Variants in TMEM117 observed in about 807,000 individuals in gnomAD.
TMEM117 encodes transmembrane protein 117.
In TMEM117, 27 loss-of-function variants were observed where a neutral mutation model predicts 52.4. The ratio of observed to expected loss-of-function variants is 0.51; its 90% confidence interval spans 0.38 to 0.71. The LOEUF (loss-of-function observed/expected upper bound fraction) is 0.71. TMEM117 is among the 30% of genes least tolerant of loss of function. The pLI is 0.00. For synonymous variants in TMEM117, 215 were observed against 206.3 expected (o/e 1.04, Z -0.36); for missense variants, 556 against 630.5 (o/e 0.88, Z 1.26).
chr12:43,828,888 C>T, the TMEM117 span, among the ~76,000 whole-genome samples: 1 of 152,146 alleles, frequency 6.6e-6, no homozygotes, highest in African/African-American at 2.4e-5. Flanking sequence ...TCTTTCTCCC[C>T]TGCTTCAGCA....
intron 3 of TMEM117, among the ~76,000 whole-genome samples, chr12:44,067,805 C>G (rs958094471): frequency 2.0e-5 from 3 of 152,116 alleles, no homozygotes; most frequent in Non-Finnish European, 4.4e-5. Context: ...CTACCTTAGC[C>G]CCTAACAAGA....
intron 6 of TMEM117, among the ~76,000 whole-genome samples, chr12:44,314,189 A>G (rs557139343): frequency 3.3e-5 from 5 of 152,314 alleles, no homozygotes; most frequent in African/African-American, 1.2e-4. Flanking sequence ...CTCATGGGGA[A>G]TACTTCCAGC....
At position 44,243,556 on chromosome 12, in the gene TMEM117, A is replaced by T. The variant is rs181335245; in HGVS notation, c.608+32169A>T. Among the ~76,000 whole-genome samples, 84 of 152,076 alleles carry T rather than the reference A, an allele frequency of 5.5e-4. No individual in the cohort carries two copies. The East Asian group carries it at 0.014, about 24-fold the overall frequency. ...GGTACAATGTGGTGCTATGATACAC[A>T]CACGTATATCATAGAATCATTAAAT... On this transcript the variant is annotated intron_variant, in intron 5 of 7. Coordinates refer to ENST00000266534, the MANE Select transcript of TMEM117 (RefSeq NM_032256.3).
chr12:44,380,280 T>C (rs576175573), intron 7 of TMEM117, among the ~76,000 whole-genome samples: 10 of 152,112 alleles, frequency 6.6e-5, no homozygotes, highest in East Asian at 3.9e-4. Flanking sequence ...GAGACTATGA[T>C]TGGGGAAAGG....
At chr12:44,225,384 T>C (rs1949847330) in intron 5 of TMEM117, among the ~76,000 whole-genome samples, 1 of 152,256 alleles carries the variant, frequency 6.6e-6, no homozygotes, top group East Asian at 1.9e-4. Flanking sequence ...CGCAGTTGCA[T>C]TGCAAAAATA....
At chr12:43,844,049 G>A (rs1943158669) in intron 1 of TMEM117, among the ~76,000 whole-genome samples, 1 of 152,210 alleles carries the variant, frequency 6.6e-6, no homozygotes, top group Admixed American at 6.5e-5. Context: ...TAATCAAAAA[G>A]AGGAGGCCGA....
chr12:44,236,187 TAGAGAG>T (rs200861994), intron 5 of TMEM117, among the ~76,000 whole-genome samples: 3 of 141,492 alleles, frequency 2.1e-5, no homozygotes, highest in South Asian at 4.6e-4. Context: ...TATATATATA[TAGAGAG>T]AGAGAGAGAG....
intron 2 of TMEM117, among the ~76,000 whole-genome samples, chr12:43,854,709 T>C (rs1394555601): frequency 6.6e-6 from 1 of 152,170 alleles, no homozygotes; most frequent in East Asian, 1.9e-4. Flanking sequence ...TGATCTCGGC[T>C]CACTGCAACC....
chr12:43,893,284 G>A (rs2137483542), intron 2 of TMEM117, among the ~76,000 whole-genome samples: 1 of 152,322 alleles, frequency 6.6e-6, no homozygotes, highest in Non-Finnish European at 1.5e-5. Flanking sequence ...TGGAAGCACA[G>A]AGACAAATCA....
chr12:44,358,410 G>T (rs1057085474), intron 6 of TMEM117, among the ~76,000 whole-genome samples: 1 of 152,088 alleles, frequency 6.6e-6, no homozygotes, highest in Non-Finnish European at 1.5e-5. Flanking sequence ...ATTCTCAGAG[G>T]ATGGTTGGCC....
intron 4 of TMEM117, among the ~76,000 whole-genome samples, chr12:44,151,916 A>G (rs1015194470): frequency 4.7e-5 from 6 of 127,118 alleles, no homozygotes; most frequent in African/African-American, 1.5e-4. Context: ...TATATAATAT[A>G]TATTATAAAC....
intron 4 of TMEM117, among the ~76,000 whole-genome samples, chr12:44,169,849 C>A (rs1443725249): frequency 3.3e-5 from 5 of 152,132 alleles, no homozygotes; most frequent in Admixed American, 1.3e-4. Context: ...GTTGGTGGGA[C>A]TGTAAACTAG....
chr12:43,949,957 C>T (rs1186885616), intron 3 of TMEM117, among the ~76,000 whole-genome samples: 1 of 152,186 alleles, frequency 6.6e-6, no homozygotes, highest in Non-Finnish European at 1.5e-5. Flanking sequence ...TTACTTTTCT[C>T]TGGACACCCC....
chr12:44,202,493 C>A (rs545850402), intron 4 of TMEM117, among the ~76,000 whole-genome samples: 1 of 152,102 alleles, frequency 6.6e-6, no homozygotes, highest in Admixed American at 6.6e-5. Context: ...AGGAATAAAG[C>A]CTACTTGATT....
chr12:44,074,361 A>G (rs550504157), intron 3 of TMEM117, among the ~76,000 whole-genome samples: 7 of 152,288 alleles, frequency 4.6e-5, no homozygotes, highest in African/African-American at 1.7e-4. Context: ...TTTATTTATT[A>G]AATCCCTTCT....
chr12:44,190,794 C>T (rs573712889), intron 4 of TMEM117, among the ~76,000 whole-genome samples: 9 of 151,180 alleles, frequency 6.0e-5, no homozygotes, highest in East Asian at 3.9e-4. Flanking sequence ...GTTTTGTTAC[C>T]GAAGCATGAA....
chr12:44,215,851 G>C (rs867151942), intron 5 of TMEM117, among the ~76,000 whole-genome samples: 1 of 151,868 alleles, frequency 6.6e-6, no homozygotes, highest in East Asian at 1.9e-4. Context: ...TTCCAGACAC[G>C]TAAGAGGATT....
At chr12:44,048,302 T>G (rs1946911874) in intron 3 of TMEM117, among the ~76,000 whole-genome samples, 1 of 152,294 alleles carries the variant, frequency 6.6e-6, no homozygotes, top group African/African-American at 2.4e-5. Flanking sequence ...GATCCAAATT[T>G]TAGCTTCATT....
intron 3 of TMEM117, among the ~76,000 whole-genome samples, chr12:44,042,511 C>A (rs1374578810): frequency 6.6e-6 from 1 of 151,938 alleles, no homozygotes; most frequent in Admixed American, 6.6e-5. Flanking sequence ...GGAAGGCAGA[C>A]CCACCCTTAA....
Sources: allele counts gnomAD v4.1 joint callset (sites outside exome capture counted in the v4.1 genomes callset), GRCh38; gene constraint gnomAD v4.1.1; transcripts MANE v1.5; gene names NCBI Gene and HGNC (gene_info 2026-07-23, HGNC 2026-07-21).